Variants in LMTK3 observed in about 807,000 individuals in gnomAD.
The protein encoded by LMTK3 is lemur tail kinase 3, also known as serine/threonine-protein kinase LMTK3.
Under a neutral mutation model 116.7 loss-of-function variants are expected in LMTK3, and 27 were observed. The observed-to-expected ratio is 0.23, with a 90% CI of 0.17 to 0.32. The LOEUF is 0.32. Among genes scored for constraint, LMTK3 ranks in the 10% least tolerant of loss-of-function variants. The pLI, the probability that LMTK3 is intolerant of heterozygous loss-of-function variation, is 1.00. For synonymous variants in LMTK3, 965 were observed against 971.0 expected (o/e 0.99, Z 0.11); for missense variants, 1,764 against 2,068.5 (o/e 0.85, Z 2.86).
In LMTK3 at chr19:48,497,537, G is replaced by A; in HGVS notation, c.3532C>T (p.Pro1178Ser). 1 of 1,395,356 alleles carries A rather than the reference G, an allele frequency of 7.2e-7. No homozygotes were observed. Among genetic ancestry groups the A allele is most frequent in the Non-Finnish European group, 9.3e-7 (1 of 1,071,478 alleles). 86.4% of individuals were successfully genotyped at this position (1,395,356 alleles called of 1,614,324 possible). The part of the protein sequence containing the change: ...ARPEVAPEGE[P>S]GAPDSRAGGD... Reference sequence around the variant, plus strand: ...CCGGCCCTGCTGTCTGGGGCCCCGGGCTCTCCCTCGGGGGCCACCTCCGGC... The same window carrying A: ...CCGGCCCTGCTGTCTGGGGCCCCGGACTCTCCCTCGGGGGCCACCTCCGGC... Residue 1178 changes from proline to serine, a missense_variant, in exon 11 of 15, where the codon CCC (proline) becomes TCC (serine). Coordinates refer to ENST00000600059, the MANE Select transcript of LMTK3 (RefSeq NM_001388485.1). This position sits in a 1 kb window ranked among gnomAD's most constrained non-coding sequence, Gnocchi z 5.7.
At position 48,498,416 on chromosome 19, in the gene LMTK3, T is replaced by C; in HGVS notation, c.2653A>G (p.Thr885Ala). The stretch of plus-strand genomic sequence containing the variant: ...CCTCTCCCCGCCTTCCTGGGTCCTG[T>C]CTCCCGGGCTGTCGCCCCCTTCTCC... ...LGEKGATARE[T>A]GPRKAGRGPG... The change falls in exon 11 of 15, where the codon ACA becomes GCA. Residue 885 changes from threonine to alanine, a missense_variant. Thr to Ala is a moderately conservative substitution (Grantham distance 58, BLOSUM62 0). Coordinates refer to ENST00000600059, the MANE Select transcript of LMTK3 (RefSeq NM_001388485.1). The C allele has an allele frequency of 1.2e-6, 2 of 1,608,810 alleles. No individual in the cohort carries two copies. The highest frequency in any genetic ancestry group is 1.7e-6 in the Non-Finnish European group (2 of 1,177,752).
chr19:48,490,136 C>T (rs753359596), intron 14 of LMTK3, among the ~76,000 whole-genome samples: 1 of 152,218 alleles, frequency 6.6e-6, no homozygotes. Context: ...ATGTTCACTA[C>T]TGGAGAGGGC....
rs1340682088 is a variant in LMTK3, at chr19:48,499,013, C to T, written c.2056G>A (p.Gly686Arg). 3 of 1,440,366 alleles carry T rather than the reference C, an allele frequency of 2.1e-6. No individual in the cohort carries two copies. The highest frequency in any genetic ancestry group is 2.5e-5 in the Admixed American group (1 of 40,576). The allele number at this position is 1,440,366 out of a possible 1,614,324, so 89.2% of individuals were successfully genotyped here. A position where few individuals can be genotyped will look rare whatever the true frequency, so the allele number is the denominator to read the frequency against. Residue 686 changes from glycine to arginine, a missense_variant, in exon 11 of 15, where the codon GGG (glycine) becomes AGG (arginine). This residue lies in a region of LMTK3 where 1,028 missense variants were observed against 1,050.6 expected (regional missense o/e 0.98). Transcript: ENST00000600059. ...CCTCCCCAGCCTGCTACGGCGTCCC[C>T]CCGCTCCAGTGGCAGGCAGGAGCAG... Reference protein sequence around the residue: ...GACSCLPLERGDAVAGWGGHP... With the variant: ...GACSCLPLERRDAVAGWGGHP...
In LMTK3 at chr19:48,497,891, C is replaced by G; in HGVS notation, c.3178G>C (p.Ala1060Pro). Residue 1060 changes from alanine to proline, a missense_variant, in exon 11 of 15, where the codon GCA becomes CCA. Ala to Pro is a conservative substitution (Grantham distance 27, BLOSUM62 -1). This residue lies in a region of LMTK3 where 1,028 missense variants were observed against 1,050.6 expected (regional missense o/e 0.98). Transcript: ENST00000600059. The surrounding 1 kb of genome is among the most constrained non-coding windows in gnomAD (Gnocchi z 5.7). The part of the protein sequence containing the change: ...TSLERAPAPS[A>P]VVSSRNGGET... Reference sequence around the variant, plus strand: ...CCGCCGTTCCGGGAGGAGACCACTGCGCTGGGTGCAGGGGCTCTCTCCAGA... The same window carrying G: ...CCGCCGTTCCGGGAGGAGACCACTGGGCTGGGTGCAGGGGCTCTCTCCAGA... 6.8e-7 allele frequency: 1 copy of G among 1,474,896 alleles called. No individual in the cohort carries two copies. The highest frequency in any genetic ancestry group is 9.0e-7 in the Non-Finnish European group (1 of 1,116,322). The allele number at this position is 1,474,896 out of a possible 1,614,324, so 91.4% of individuals were successfully genotyped here.
At position 48,498,829 on chromosome 19, in the gene LMTK3, C is replaced by T. The variant is rs1191267672; in HGVS notation, c.2240G>A (p.Arg747Gln). The T allele has an allele frequency of 3.2e-6, 4 of 1,256,288 alleles. No homozygotes were observed. The highest frequency in any genetic ancestry group is 3.2e-5 in the East Asian group (1 of 31,730). 77.8% of individuals were successfully genotyped at this position (1,256,288 alleles called of 1,614,324 possible). ...GGGGGGGGGAGCGGGAGGTGGCCCC[C>T]GCCCGGGGTACTGGGGCGCCGCCGC... ...MGAAAPQYPG[R>Q]GPPPAPPPPP... Residue 747 changes from arginine (R) to glutamine (Q), a missense_variant, in exon 11 of 15, where the codon CGG becomes CAG. Physicochemically the swap from Arg to Gln is conservative, Grantham distance 43 (BLOSUM62 1). Coordinates refer to ENST00000600059, the MANE Select transcript of LMTK3 (RefSeq NM_001388485.1).
In LMTK3 at chr19:48,508,857, G is replaced by A. The variant is rs1008133808; in HGVS notation, c.551C>T (p.Pro184Leu). The A allele has an allele frequency of 1.9e-6, 3 of 1,612,706 alleles. No homozygotes were observed. Among genetic ancestry groups the A allele is most frequent in the Non-Finnish European group, 2.5e-6 (3 of 1,178,824 alleles). ...ACTGAGAAACCCTCAGTACCTGTAC[G>A]GCTGTGCTTCCGAGATGAACTTGCG... Reference protein sequence around the residue: ...EQRKFISEAQPYRSLQHPNVL... With the variant: ...EQRKFISEAQLYRSLQHPNVL... The change falls in exon 5 of 15, where the codon CCG becomes CTG. Residue 184 changes from proline (P) to leucine (L), a missense_variant. Coordinates refer to ENST00000600059, the MANE Select transcript of LMTK3 (RefSeq NM_001388485.1).
In LMTK3 at chr19:48,507,819, C is replaced by A. The variant is rs200042395; in HGVS notation, c.557+1032G>T. On this transcript the variant is annotated intron_variant, in intron 5 of 14. Coordinates refer to ENST00000600059, the MANE Select transcript of LMTK3 (RefSeq NM_001388485.1). ...CATATGTGGCCAGTGTTTGCTGGCA[C>A]AGGTTTAGGGAGAGACAGGCAATAA... Among the ~76,000 whole-genome samples the A allele has an allele frequency of 2.0e-5, 3 of 152,032 alleles. No individual in the cohort carries two copies. In the East Asian group the frequency reaches 5.8e-4, roughly 29 times the overall value.
At position 48,497,713 on chromosome 19, in the gene LMTK3, G is replaced by C. The variant is rs1972358223; in HGVS notation, c.3356C>G (p.Thr1119Arg). The change falls in exon 11 of 15, where the codon ACG (threonine) becomes AGG (arginine). Residue 1119 changes from threonine to arginine, a missense_variant. Thr to Arg is a moderately conservative substitution (Grantham distance 71). This residue lies in a region of LMTK3 where 1,028 missense variants were observed against 1,050.6 expected (regional missense o/e 0.98). Coordinates refer to ENST00000600059, the MANE Select transcript of LMTK3 (RefSeq NM_001388485.1). This position sits in a 1 kb window ranked among gnomAD's most constrained non-coding sequence, Gnocchi z 5.7. ...LGSGGRAPVG[T>R]GTAPGGGPGS... Reference sequence around the variant, plus strand: ...GGGGCCGCCGCCGGGGGCCGTCCCCGTGCCCACTGGGGCTCGGCCCCCACT... The same window carrying C: ...GGGGCCGCCGCCGGGGGCCGTCCCCCTGCCCACTGGGGCTCGGCCCCCACT... The C allele has an allele frequency of 1.5e-6, 2 of 1,328,062 alleles. No homozygotes were observed. The highest frequency in any genetic ancestry group is 1.9e-6 in the Non-Finnish European group (2 of 1,043,728). The allele number at this position is 1,328,062 out of a possible 1,614,324, so 82.3% of individuals were successfully genotyped here. A position where few individuals can be genotyped will look rare whatever the true frequency, so the allele number is the denominator to read the frequency against.
intron 11 of LMTK3, among the ~76,000 whole-genome samples, chr19:48,496,115 TTTTGTTTTG>T (rs1972317810): frequency 2.6e-5 from 4 of 151,266 alleles, no homozygotes; most frequent in African/African-American, 4.9e-5. Flanking sequence ...TTTTGTTTTG[TTTTGTTTTG>T]TTTGAGACAG....
chr19:48,500,959 G>A lies in LMTK3; in HGVS notation c.1151+37C>T, dbSNP rs545279315. 56 of 1,469,008 alleles carry A rather than the reference G, an allele frequency of 3.8e-5. 2 individuals carry two copies. The South Asian group carries it at 8.1e-4, about 21-fold the overall frequency. 91.0% of individuals were successfully genotyped at this position (1,469,008 alleles called of 1,614,324 possible). On this transcript the variant is annotated intron_variant, in intron 10 of 14. Transcript: ENST00000600059. The surrounding 1 kb of genome is among the most constrained non-coding windows in gnomAD (Gnocchi z 4.0). ...ATGCTGGGACCATCCTGGGTGGGGT[G>A]CGGCAGGCCAGGAGCCCCGGGTGGG...
chr19:48,493,467 C>A (rs1363954881), intron 12 of LMTK3, among the ~76,000 whole-genome samples: 1 of 148,926 alleles, frequency 6.7e-6, no homozygotes, highest in Admixed American at 6.6e-5. Flanking sequence ...CCCCGCATCA[C>A]TCCAGCTCGG....
Position 48,491,600 on chromosome 19 carries a change from T to A in LMTK3, c.4093-61A>T, listed in dbSNP as rs1356645120. 1.4e-5 allele frequency: 18 copies of A among 1,273,616 alleles called. No individual in the cohort carries two copies. The highest frequency in any genetic ancestry group is 1.8e-5 in the Non-Finnish European group (18 of 997,908). 78.9% of individuals were successfully genotyped at this position (1,273,616 alleles called of 1,614,324 possible). A position where few individuals can be genotyped will look rare whatever the true frequency, so the allele number is the denominator to read the frequency against. On this transcript the variant is annotated intron_variant, in intron 12 of 14. Transcript: ENST00000600059. This position sits in a 1 kb window ranked among gnomAD's most constrained non-coding sequence, Gnocchi z 5.1. ...AAACCTTCACGTCCCATTTACCGCA[T>A]CCCCCAAAAGCAACAAAACCGGCTA...
rs1972231060 is a variant in LMTK3 at position 48,491,742 on chromosome 19, G to T, written c.4093-203C>A. Among the ~76,000 whole-genome samples the T allele has an allele frequency of 2.0e-5, 3 of 152,196 alleles. No individual in the cohort carries two copies. Among genetic ancestry groups the T allele is most frequent in the Admixed American group, 2.0e-4 (3 of 15,272 alleles). The stretch of plus-strand genomic sequence containing the variant: ...TTGGGCCAGCCTTAACCTCAACCTG[G>T]CCAGAGGCTCCTTTCCTGACAGCGG... On this transcript the variant is annotated intron_variant, in intron 12 of 14. Coordinates refer to ENST00000600059, the MANE Select transcript of LMTK3 (RefSeq NM_001388485.1). This position sits in a 1 kb window ranked among gnomAD's most constrained non-coding sequence, Gnocchi z 5.1.
At chr19:48,513,030 A>G (rs1265294012), upstream of LMTK3, 7 of 881,730 alleles carry the variant, frequency 7.9e-6, no homozygotes, top group African/African-American at 1.0e-4. This position sits in a 1 kb window ranked among gnomAD's most constrained non-coding sequence, Gnocchi z 5.6. Flanking sequence ...CACCACAGTC[A>G]CACATCACAT....
rs1972489596 is a variant in LMTK3, at chr19:48,502,477, G to T, written c.750C>A (p.Ile250=). The change falls in exon 7 of 15, where the codon ATC becomes ATA. Residue 250 remains isoleucine (I), a synonymous_variant. Coordinates refer to ENST00000600059, the MANE Select transcript of LMTK3 (RefSeq NM_001388485.1). ...LRTLQRMGLE[I]ARGLAHLHSH... is the part of the protein sequence containing the mutation. The stretch of plus-strand genomic sequence containing the variant: ...AATGCAGGTGCGCCAGCCCGCGGGC[G>T]ATCTCCAGGCCCATCCTCTGCAGCG... 2 of 1,611,016 alleles carry T rather than the reference G, an allele frequency of 1.2e-6. No homozygotes were observed. The highest frequency in any genetic ancestry group is 1.3e-5 in the African/African-American group (1 of 74,728).
chr19:48,510,339 C>T, intron 2 of LMTK3, 120 bp downstream of exon 2: 1 of 1,447,168 alleles, frequency 6.9e-7, no homozygotes, highest in Non-Finnish European at 9.3e-7. Context: ...CTTGCCATAG[C>T]TTCAAGCTGG....
intron 2 of LMTK3, 79 bp from the exon 3 acceptor site, chr19:48,510,252 T>A: frequency 6.6e-7 from 1 of 1,515,500 alleles, no homozygotes; most frequent in South Asian, 1.2e-5. Context: ...TAAGTTTGTC[T>A]CCCCTTCATT....
Position 48,485,753 on chromosome 19 carries a change from G to A in LMTK3, c.*20C>T, listed in dbSNP as rs753159856. 11 of 1,609,770 alleles carry A rather than the reference G, an allele frequency of 6.8e-6. No individual in the cohort carries two copies. Among genetic ancestry groups the A allele is most frequent in the Middle Eastern group, 1.7e-4 (1 of 6,050 alleles). On this transcript the variant is annotated 3_prime_UTR_variant, in exon 15 of 15. Coordinates refer to ENST00000600059, the MANE Select transcript of LMTK3 (RefSeq NM_001388485.1). ...TCAACCCCTCTTCTGAGGGTGCAGC[G>A]GGGTCGGGTCTTCGGGGAATCAATT...
At chr19:48,488,816 C>T (rs577893643) in intron 14 of LMTK3, among the ~76,000 whole-genome samples, 130 of 151,556 alleles carry the variant, frequency 8.6e-4, no homozygotes, top group African/African-American at 2.9e-3. Context: ...CTCGGCTCAC[C>T]GCAACCTCCA....
Sources: gnomAD v4.1 joint callset for allele counts (sites outside exome capture counted in the v4.1 genomes callset) on GRCh38, gnomAD v4.1.1 for gene constraint, gnomAD v4.1.1 regional missense constraint, Gnocchi (gnomAD v3.1) non-coding constraint, MANE v1.5 for transcripts, NCBI Gene and HGNC (gene_info 2026-07-23, HGNC 2026-07-21) for gene names.